The following PTPRG variants were observed in gnomAD, a reference collection of about 807,000 sequenced individuals.
PTPRG encodes receptor-type tyrosine-protein phosphatase gamma.
Under a neutral mutation model 165.3 loss-of-function variants are expected in PTPRG, and 102 were observed. The observed-to-expected ratio is 0.62, with a 90% CI of 0.53 to 0.73. The LOEUF (loss-of-function observed/expected upper bound fraction) is 0.73. Among genes scored for constraint, PTPRG ranks in the 30% least tolerant of loss-of-function variants. The pLI, the probability that PTPRG is intolerant of heterozygous loss-of-function variation, is 0.00. For missense variants in PTPRG, 1,866 were observed against 1,861.4 expected (o/e 1.00, Z -0.05); for synonymous variants, 675 against 669.5 (o/e 1.01, Z -0.13).
chr3:62,262,738 T>G (rs1386991702), intron 16 of PTPRG, 60 bp from the exon 17 acceptor site: 2 of 1,295,658 alleles, frequency 1.5e-6, no homozygotes, highest in Non-Finnish European at 1.1e-6. Context: ...TGCCTTTAAA[T>G]GTATATGGTG....
chr3:62,188,172 A>G (rs923637048), intron 8 of PTPRG, among the ~76,000 whole-genome samples: 21 of 152,316 alleles, frequency 1.4e-4, no homozygotes, highest in African/African-American at 5.1e-4. Context: ...CCAGAAGTTC[A>G]AGACCAGCAT....
intron 1 of PTPRG, among the ~76,000 whole-genome samples, chr3:61,737,283 A>G (rs968604666): frequency 5.9e-5 from 9 of 152,088 alleles, no homozygotes; most frequent in Admixed American, 5.9e-4. Flanking sequence ...CAGTCATTAT[A>G]CAAGTTTTGC....
At chr3:61,945,152 T>C (rs2039725642) in intron 2 of PTPRG, among the ~76,000 whole-genome samples, 1 of 152,168 alleles carries the variant, frequency 6.6e-6, no homozygotes, top group Non-Finnish European at 1.5e-5. Context: ...TTGTAAGGTA[T>C]ATAGTCTTGG....
chr3:62,135,100 T>C (rs1012610639), intron 6 of PTPRG, among the ~76,000 whole-genome samples: 1 of 151,518 alleles, frequency 6.6e-6, no homozygotes, highest in Non-Finnish European at 1.5e-5. Context: ...TGGCAAAACC[T>C]TGTCTCTACA....
chr3:61,788,529 GATTTTCC>G (rs2034778381), intron 2 of PTPRG, among the ~76,000 whole-genome samples: 1 of 152,184 alleles, frequency 6.6e-6, no homozygotes, highest in Non-Finnish European at 1.5e-5. Context: ...TAGTACTGTG[GATTTTCC>G]TACATTGGTA....
intron 4 of PTPRG, among the ~76,000 whole-genome samples, chr3:62,049,095 C>G (rs1487446540): frequency 6.6e-6 from 1 of 150,814 alleles, no homozygotes; most frequent in Non-Finnish European, 1.5e-5. Context: ...AGGTGAAGAT[C>G]CTAAAAAGTA....
chr3:61,980,842 G>A (rs1272295725), intron 2 of PTPRG, among the ~76,000 whole-genome samples: 1 of 152,112 alleles, frequency 6.6e-6, no homozygotes, highest in Non-Finnish European at 1.5e-5. Flanking sequence ...CTTCCCTCCT[G>A]ATTGCAGGTC....
intron 2 of PTPRG, among the ~76,000 whole-genome samples, chr3:61,873,204 A>G (rs1477757836): frequency 2.0e-5 from 3 of 152,224 alleles, no homozygotes; most frequent in African/African-American, 7.2e-5. Context: ...AATATTTGTA[A>G]CAGCAGTTTG....
chr3:62,082,939 C>A (rs1258684087), intron 5 of PTPRG, among the ~76,000 whole-genome samples: 1 of 152,170 alleles, frequency 6.6e-6, no homozygotes, highest in Non-Finnish European at 1.5e-5. Flanking sequence ...CTAGATCATG[C>A]AGATCACCTT....
At chr3:62,060,525 A>C (rs1001481263) in intron 4 of PTPRG, among the ~76,000 whole-genome samples, 2 of 152,190 alleles carry the variant, frequency 1.3e-5, no homozygotes, top group Non-Finnish European at 2.9e-5. Context: ...GACTTCATTG[A>C]GATCACTCAC....
intron 2 of PTPRG, among the ~76,000 whole-genome samples, chr3:61,836,593 G>T (rs1189499671): frequency 2.0e-5 from 3 of 152,154 alleles, no homozygotes. Context: ...CCTGAACTAG[G>T]AATATCAGAT....
chr3:62,002,562 A>T (rs960494662), intron 3 of PTPRG, among the ~76,000 whole-genome samples: 3 of 152,192 alleles, frequency 2.0e-5, no homozygotes, highest in Admixed American at 6.5e-5. Flanking sequence ...GTTATTCTCA[A>T]TTTCTCCTTC....
chr3:61,891,632 G>T (rs1467501714), intron 2 of PTPRG, among the ~76,000 whole-genome samples: 3 of 152,218 alleles, frequency 2.0e-5, no homozygotes, highest in Non-Finnish European at 4.4e-5. Flanking sequence ...TTACCCTCTG[G>T]AAAGCACATG....
intron 2 of PTPRG, among the ~76,000 whole-genome samples, chr3:61,816,405 G>A (rs1391039032): frequency 6.6e-6 from 1 of 152,196 alleles, no homozygotes; most frequent in South Asian, 2.1e-4. Context: ...GGTGGTGGGG[G>A]CCCGTAATCC....
intron 1 of PTPRG, among the ~76,000 whole-genome samples, chr3:61,570,677 G>A (rs1241016441): frequency 6.6e-6 from 1 of 152,184 alleles, no homozygotes. Context: ...AGGGGACACA[G>A]CCATAAGCAA....
intron 1 of PTPRG, among the ~76,000 whole-genome samples, chr3:61,573,201 GGTTCTCTTGATCA>G (rs1700098676): frequency 6.6e-6 from 1 of 152,180 alleles, no homozygotes; most frequent in East Asian, 1.9e-4. Flanking sequence ...TTTAAGAGCT[GGTTCTCTTGATCA>G]GTTTCTTGTT....
At chr3:61,699,238 G>GA (rs1038350444) in intron 1 of PTPRG, among the ~76,000 whole-genome samples, 26 of 149,916 alleles carry the variant, frequency 1.7e-4, no homozygotes, top group African/African-American at 4.2e-4. Flanking sequence ...ATGGCCGTAG[G>GA]AAAAAAAAAA....
intron 2 of PTPRG, among the ~76,000 whole-genome samples, chr3:61,751,731 C>T (rs1045785674): frequency 4.6e-5 from 7 of 152,172 alleles, no homozygotes; most frequent in Non-Finnish European, 1.0e-4. Context: ...TGGCTCACGC[C>T]TGTAATCCCA....
At chr3:61,712,860 T>G (rs1027958167) in intron 1 of PTPRG, among the ~76,000 whole-genome samples, 1 of 152,204 alleles carries the variant, frequency 6.6e-6, no homozygotes, top group Admixed American at 6.5e-5. Context: ...TAGCAGCTTC[T>G]GCATATGACA....
Sources: allele counts gnomAD v4.1 joint callset (sites outside exome capture counted in the v4.1 genomes callset), GRCh38; gene constraint gnomAD v4.1.1; transcripts MANE v1.5; gene names NCBI Gene and HGNC (gene_info 2026-07-23, HGNC 2026-07-21).